USP34: variants seen among roughly 807,000 people sequenced by gnomAD.
USP34 encodes the protein ubiquitin carboxyl-terminal hydrolase 34.
A neutral mutation model predicts 460.3 loss-of-function variants in USP34; 70 were observed. The observed-to-expected ratio is 0.15, with a 90% CI of 0.13 to 0.19. USP34 has a LOEUF of 0.19. Ranked by LOEUF, USP34 falls within the 10% of genes least tolerant of loss-of-function variation. The probability of loss-of-function intolerance (pLI) is 1.00; values close to 1 mark genes in which losing one functional copy is unlikely to be tolerated. For missense variants in USP34, 3,985 were observed against 4,236.2 expected (o/e 0.94, Z 1.65); for synonymous variants, 1,647 against 1,405.3 (o/e 1.17, Z -3.85).
At chr2:61,230,023 G>A (rs1687844181) in intron 58 of USP34, among the ~76,000 whole-genome samples, 1 of 151,586 alleles carries the variant, frequency 6.6e-6, no homozygotes, top group Admixed American at 6.6e-5. Flanking sequence ...GAAATGTGAG[G>A]ATTCTTTAAA....
chr2:61,318,399 G>C (rs979725072), intron 22 of USP34, among the ~76,000 whole-genome samples: 11 of 152,046 alleles, frequency 7.2e-5, no homozygotes, highest in African/African-American at 2.7e-4. Flanking sequence ...TTTTGTTAAA[G>C]TCAGAGGTCG....
chr2:61,323,170 A>G (rs1384887301), intron 21 of USP34, among the ~76,000 whole-genome samples: 1 of 152,186 alleles, frequency 6.6e-6, no homozygotes, highest in Non-Finnish European at 1.5e-5. Context: ...GCTTGAGTCC[A>G]TGAGTTTCAG....
intron 21 of USP34, among the ~76,000 whole-genome samples, chr2:61,322,274 T>A (rs929129833): frequency 4.6e-5 from 7 of 151,926 alleles, no homozygotes; most frequent in African/African-American, 1.7e-4. Context: ...AGGACCCTTA[T>A]GATGAAGAAA....
At chr2:61,387,622 T>C (rs970320673) in intron 5 of USP34, among the ~76,000 whole-genome samples, 1 of 144,974 alleles carries the variant, frequency 6.9e-6, no homozygotes, top group Non-Finnish European at 1.5e-5. Context: ...AAATATATAT[T>C]TTTACATATA....
At chr2:61,205,968 A>G in intron 72 of USP34, 49 bp downstream of exon 72, 2 of 1,397,128 alleles carry the variant, frequency 1.4e-6, no homozygotes, top group Non-Finnish European at 2.0e-6. Flanking sequence ...ACTCACAACA[A>G]TGTTCTTCCA....
intron 48 of USP34, among the ~76,000 whole-genome samples, chr2:61,249,379 A>G (rs546429108): frequency 6.6e-6 from 1 of 152,370 alleles, no homozygotes; most frequent in Non-Finnish European, 1.5e-5. Flanking sequence ...GGACAAAGGG[A>G]TGGTTTACAT....
At chr2:61,396,223 G>T (rs1374527043) in intron 3 of USP34, among the ~76,000 whole-genome samples, 1 of 152,114 alleles carries the variant, frequency 6.6e-6, no homozygotes, top group East Asian at 1.9e-4. Flanking sequence ...TGCTTCCATT[G>T]CATAAGATTT....
chr2:61,237,554 ATTTTT>A (rs71403400), intron 53 of USP34, among the ~76,000 whole-genome samples: 11 of 45,152 alleles, frequency 2.4e-4, no homozygotes, highest in African/African-American at 3.6e-4. Context: ...TTTTCTGTGG[ATTTTT>A]TTTTTTTTTT....
At chr2:61,256,824 C>T in intron 47 of USP34, 49 bp downstream of exon 47, 1 of 1,426,950 alleles carries the variant, frequency 7.0e-7, no homozygotes, top group Non-Finnish European at 9.5e-7. Flanking sequence ...CCGCTATACA[C>T]AAATAGGTAA....
At chr2:61,250,736 T>TG (rs977780270) in intron 48 of USP34, 1 of 152,450 alleles carries the variant, frequency 6.6e-6, no homozygotes, top group African/African-American at 2.4e-5. Context: ...TGTGTGTACT[T>TG]GTTCTGTAAC....
chr2:61,229,862 T>C (rs762914350), intron 58 of USP34, among the ~76,000 whole-genome samples: 2 of 152,112 alleles, frequency 1.3e-5, no homozygotes, highest in African/African-American at 2.4e-5. Context: ...AAACTGTACA[T>C]TTCAGTAATA....
chr2:61,451,220 C>CAAAAAAAA (rs70963432), intron 1 of USP34, among the ~76,000 whole-genome samples: 630 of 50,688 alleles, frequency 0.012, 74 homozygotes, highest in Non-Finnish European at 0.016. Flanking sequence ...GGCTTCATCT[C>CAAAAAAAA]AAAAAAAAAA....
Position 61,198,067 on chromosome 2 carries a change from C to T in USP34, c.9508+5073G>A, listed in dbSNP as rs184767309. 4.3e-3 allele frequency among the ~76,000 whole-genome samples: 656 copies of T among 152,250 alleles called. 4 individuals are homozygous for T. The highest frequency in any genetic ancestry group is 7.2e-3 in the Non-Finnish European group (492 of 68,012). ...AGCCACTGTGCCGGGCCGGCAGTAC[C>T]AGTTTTCCATAATATTAAAATAACT... On this transcript the variant is annotated intron_variant, in intron 75 of 79. Coordinates refer to ENST00000398571, the MANE Select transcript of USP34 (RefSeq NM_014709.4).
intron 27 of USP34, 42 bp from the exon 28 acceptor site, chr2:61,301,496 A>G (rs752496092): frequency 1.3e-5 from 20 of 1,541,124 alleles, no homozygotes; most frequent in Non-Finnish European, 1.8e-5. Flanking sequence ...GTTTTTAAGA[A>G]TTAACTTACT....
At chr2:61,240,022 A>C (rs956715699) in intron 53 of USP34, among the ~76,000 whole-genome samples, 7 of 151,886 alleles carry the variant, frequency 4.6e-5, no homozygotes, top group Non-Finnish European at 1.0e-4. Context: ...AAAAAAAAAA[A>C]AAAAAAGACT....
At chr2:61,456,681 G>C (rs766231789) in intron 1 of USP34, among the ~76,000 whole-genome samples, 8 of 151,838 alleles carry the variant, frequency 5.3e-5, no homozygotes, top group Non-Finnish European at 1.0e-4. Flanking sequence ...GGCCAGGCAT[G>C]GTGGTTCACG....
rs1572863765 is a variant in USP34 at position 61,241,580 on chromosome 2, C to T, written c.6757G>A (p.Val2253Ile). The T allele has an allele frequency of 6.2e-7, 1 of 1,608,846 alleles. No individual in the cohort carries two copies. The highest frequency in any genetic ancestry group is 8.5e-7 in the Non-Finnish European group (1 of 1,178,448). ...TATACCTCTAGTAACTCTGACGAAACATCAAATTTGTATTCTCTGCCATTT... is the reference window on the plus strand; with the variant it reads ...TATACCTCTAGTAACTCTGACGAAATATCAAATTTGTATTCTCTGCCATTT... ...EENGREYKFD[V>I]SSELLEWIWH... Residue 2253 changes from valine (V) to isoleucine (I), a missense_variant, in exon 53 of 80, where the codon GTT (valine) becomes ATT (isoleucine). Transcript: ENST00000398571.
chr2:61,312,470 A>G (rs1690623670), intron 25 of USP34, among the ~76,000 whole-genome samples: 1 of 151,834 alleles, frequency 6.6e-6, no homozygotes, highest in South Asian at 2.1e-4. Flanking sequence ...CAATTTTCTA[A>G]TTTTCAGATG....
intron 43 of USP34, among the ~76,000 whole-genome samples, chr2:61,264,005 TAAAACCAAG>T (rs1270761952): frequency 2.0e-5 from 3 of 152,156 alleles, no homozygotes; most frequent in African/African-American, 7.2e-5. Context: ...TATGAAGAAG[TAAAACCAAG>T]AAGCATGACC....
Sources: allele counts gnomAD v4.1 joint callset (sites outside exome capture counted in the v4.1 genomes callset), GRCh38; gene constraint gnomAD v4.1.1; transcripts MANE v1.5; gene names NCBI Gene and HGNC (gene_info 2026-07-23, HGNC 2026-07-21).